Variants in PCYT1A observed in about 807,000 individuals in gnomAD.
PCYT1A encodes choline-phosphate cytidylyltransferase A.
Under a neutral mutation model 43.7 loss-of-function variants are expected in PCYT1A, and 25 were observed. That is an observed-to-expected ratio of 0.57 (90% confidence interval 0.42 to 0.80). The LOEUF is 0.80. Among genes scored for constraint, PCYT1A ranks in the 30% least tolerant of loss-of-function variants. The pLI, the probability that PCYT1A is intolerant of heterozygous loss-of-function variation, is 0.00. For missense variants in PCYT1A, 421 were observed against 474.2 expected, an observed-to-expected ratio of 0.89 and a Z score of 1.04; for synonymous variants, 172 against 170.7, an observed-to-expected ratio of 1.01 and a Z score of -0.06.
chr3:196,259,887 C>T (rs910426557), intron 2 of PCYT1A, among the ~76,000 whole-genome samples: 3 of 117,174 alleles, frequency 2.6e-5, no homozygotes, highest in Non-Finnish European at 5.3e-5. Context: ...TTAAGATATA[C>T]TTAATGATAT....
chr3:196,258,883 A>G (rs1382860732), intron 2 of PCYT1A, among the ~76,000 whole-genome samples: 2 of 152,162 alleles, frequency 1.3e-5, no homozygotes, highest in Non-Finnish European at 2.9e-5. Flanking sequence ...CACCGTGCCC[A>G]GCCTCTGGCC....
chr3:196,235,024 C>G lies in PCYT1A; in HGVS notation c.*3664G>C, dbSNP rs1724123071. On this transcript the variant is annotated 3_prime_UTR_variant, in exon 9 of 9. Coordinates refer to ENST00000431016, the MANE Select transcript of PCYT1A (RefSeq NM_001312673.2). The surrounding 1 kb of genome is among the most constrained non-coding windows in gnomAD (Gnocchi z 4.3). The stretch of plus-strand genomic sequence containing the variant: ...GTTCAACTTCTGGTGAGAATGTGTG[C>G]TGATAGAAAATCTAGAAGCTATGGC... The G allele has an allele frequency of 6.6e-6, 1 of 152,052 alleles. No homozygotes were observed. Among genetic ancestry groups the G allele is most frequent in the Admixed American group, 6.5e-5 (1 of 15,274 alleles). The allele number at this position is 152,052 out of a possible 1,614,324, so 9.4% of individuals were successfully genotyped here. A position where few individuals can be genotyped will look rare whatever the true frequency, so the allele number is the denominator to read the frequency against.
chr3:196,270,983 G>T (rs1413598206), intron 1 of PCYT1A, among the ~76,000 whole-genome samples: 1 of 152,152 alleles, frequency 6.6e-6, no homozygotes, highest in African/African-American at 2.4e-5. Context: ...TTTGTAAACG[G>T]ATGGCTCTCA....
intron 1 of PCYT1A, among the ~76,000 whole-genome samples, chr3:196,274,894 T>C (rs1446371691): frequency 6.6e-6 from 1 of 152,194 alleles, no homozygotes; most frequent in Non-Finnish European, 1.5e-5. Context: ...CAAATTAAAA[T>C]GGAAGAAGGG....
At chr3:196,261,661 A>G (rs1725112908) in intron 2 of PCYT1A, among the ~76,000 whole-genome samples, 1 of 151,956 alleles carries the variant, frequency 6.6e-6, no homozygotes, top group Admixed American at 6.6e-5. Flanking sequence ...GGGGTGGTGC[A>G]TGCCTGCAAT....
rs1243797236 is a variant in PCYT1A at position 196,236,296 on chromosome 3, A to G, written c.*2392T>C. ...ATGTGCACTTGGAGGAACCAAGCAG[A>G]TGGGCTTCAGCACAGACTTCACTGC... On this transcript the variant is annotated 3_prime_UTR_variant, in exon 9 of 9. Coordinates refer to ENST00000431016, the MANE Select transcript of PCYT1A (RefSeq NM_001312673.2). 1 of 152,272 alleles carries G rather than the reference A, an allele frequency of 6.6e-6. No homozygotes were observed. The highest frequency in any genetic ancestry group is 2.4e-5 in the African/African-American group (1 of 41,456). 9.4% of individuals were successfully genotyped at this position (152,272 alleles called of 1,614,324 possible).
rs1157310113 is a variant in PCYT1A, at chr3:196,268,862, G to A, written c.117+1553C>T. ...GGCTTTGCAGATATGATTAAATAAA[G>A]GAAGATTATTCTGGTTTATCTGGGT... On this transcript the variant is annotated intron_variant, in intron 2 of 8. Coordinates refer to ENST00000431016, the MANE Select transcript of PCYT1A (RefSeq NM_001312673.2). This position sits in a 1 kb window ranked among gnomAD's most constrained non-coding sequence, Gnocchi z 4.4. 6.6e-6 allele frequency among the ~76,000 whole-genome samples: 1 copy of A among 152,140 alleles called. No homozygotes were observed. The highest frequency in any genetic ancestry group is 1.5e-5 in the Non-Finnish European group (1 of 68,012).
Position 196,250,575 on chromosome 3 carries a change from A to G in PCYT1A, c.218-2252T>C, listed in dbSNP as rs569688748. 187 of 166,532 alleles carry G rather than the reference A, an allele frequency of 1.1e-3. 1 individual carries two copies. In the Middle Eastern group the frequency reaches 0.023, roughly 20 times the overall value. The allele number at this position is 166,532 out of a possible 1,614,324, so 10.3% of individuals were successfully genotyped here. A position where few individuals can be genotyped will look rare whatever the true frequency, so the allele number is the denominator to read the frequency against. ...ACTATGCTGAGGTTGAGGACCAGATACACTATGCTGAGGCTGAGGATCAGA... is the reference window on the plus strand; with the variant it reads ...ACTATGCTGAGGTTGAGGACCAGATGCACTATGCTGAGGCTGAGGATCAGA... On this transcript the variant is annotated intron_variant, in intron 3 of 8. Coordinates refer to ENST00000431016, the MANE Select transcript of PCYT1A (RefSeq NM_001312673.2).
Position 196,273,076 on chromosome 3 carries a change from G to A in PCYT1A, c.-10-2535C>T, listed in dbSNP as rs902624671. 6.6e-6 allele frequency among the ~76,000 whole-genome samples: 1 copy of A among 152,200 alleles called. No homozygotes were observed. The highest frequency in any genetic ancestry group is 2.4e-5 in the African/African-American group (1 of 41,440). ...CACAGCCAGGCACGCCAGCTGCCAG[G>A]GGGTGAGCAGCTCGAGGCGCCAGCT... On this transcript the variant is annotated intron_variant, in intron 1 of 8. Transcript: ENST00000431016. The surrounding 1 kb of genome is among the most constrained non-coding windows in gnomAD (Gnocchi z 4.1).
intron 1 of PCYT1A, among the ~76,000 whole-genome samples, chr3:196,286,329 G>C (rs1725912968): frequency 6.6e-6 from 1 of 152,148 alleles, no homozygotes; most frequent in African/African-American, 2.4e-5. Context: ...GCCTCCTCCA[G>C]TTAGGCCAGG....
intron 5 of PCYT1A, among the ~76,000 whole-genome samples, chr3:196,246,007 T>A (rs1306020575): frequency 6.6e-6 from 1 of 151,908 alleles, no homozygotes; most frequent in East Asian, 1.9e-4. Flanking sequence ...TATATATTGT[T>A]AACAAAGAGA....
At chr3:196,258,744 G>A (rs1042180935) in intron 2 of PCYT1A, among the ~76,000 whole-genome samples, 5 of 151,016 alleles carry the variant, frequency 3.3e-5, no homozygotes, top group East Asian at 2.0e-4. Flanking sequence ...TACACTACCC[G>A]ACACCCAGCT....
chr3:196,287,066 C>G (rs1725934016), intron 1 of PCYT1A: 1 of 152,224 alleles, frequency 6.6e-6, no homozygotes, highest in Non-Finnish European at 1.5e-5. Flanking sequence ...GAAGTTTGTC[C>G]GTAAAAATTA....
At position 196,282,174 on chromosome 3, in the gene PCYT1A, G is replaced by A. The variant is rs759746931; in HGVS notation, c.-11+5441C>T. Reference sequence around the variant, plus strand: ...AACCCTTATTCAACAAACACTGAGCGGCACTTACTCTGTGCCAGACCCTGG... The same window carrying A: ...AACCCTTATTCAACAAACACTGAGCAGCACTTACTCTGTGCCAGACCCTGG... On this transcript the variant is annotated intron_variant, in intron 1 of 8. Transcript: ENST00000431016. This position sits in a 1 kb window ranked among gnomAD's most constrained non-coding sequence, Gnocchi z 4.3. Among the ~76,000 whole-genome samples, 10 of 152,108 alleles carry A rather than the reference G, an allele frequency of 6.6e-5. No individual in the cohort carries two copies. Among genetic ancestry groups the A allele is most frequent in the African/African-American group, 1.4e-4 (6 of 41,406 alleles).
chr3:196,253,643 T>C (rs1724868414), intron 3 of PCYT1A, among the ~76,000 whole-genome samples: 2 of 152,158 alleles, frequency 1.3e-5, no homozygotes, highest in African/African-American at 4.8e-5. Context: ...CACTGAACCT[T>C]TTCTCAGACC....
At position 196,237,504 on chromosome 3, in the gene PCYT1A, G is replaced by C. The variant is rs1184347531; in HGVS notation, c.*1184C>G. 1 of 152,278 alleles carries C rather than the reference G, an allele frequency of 6.6e-6. No homozygotes were observed. Among genetic ancestry groups the C allele is most frequent in the African/African-American group, 2.4e-5 (1 of 41,458 alleles). 9.4% of individuals were successfully genotyped at this position (152,278 alleles called of 1,614,324 possible). On this transcript the variant is annotated 3_prime_UTR_variant, in exon 9 of 9. Transcript: ENST00000431016. ...GCTTGCTGGAGGAGCAGCAGAGGGA[G>C]GTCCCTGCCAGCTGCAGCTCTCAGA... is the stretch of plus-strand genomic sequence containing the variant.
rs1049059761 is a variant in PCYT1A, at chr3:196,259,189, T to C, written c.118-1302A>G. 2.6e-5 allele frequency among the ~76,000 whole-genome samples: 4 copies of C among 152,318 alleles called. No homozygotes were observed. In the East Asian group the frequency reaches 7.7e-4, roughly 29 times the overall value. On this transcript the variant is annotated intron_variant, in intron 2 of 8. Coordinates refer to ENST00000431016, the MANE Select transcript of PCYT1A (RefSeq NM_001312673.2). The stretch of plus-strand genomic sequence containing the variant: ...TGCACCACCACACCCAGCTAATTTT[T>C]TAACTTTGGGCCTGGACCTGTCTTT...
At position 196,257,768 on chromosome 3, in the gene PCYT1A, T is replaced by A; in HGVS notation, c.217+20A>T. The A allele has an allele frequency of 7.2e-7, 1 of 1,393,546 alleles. No homozygotes were observed. The highest frequency in any genetic ancestry group is 1.0e-6 in the Non-Finnish European group (1 of 979,902). 86.3% of individuals were successfully genotyped at this position (1,393,546 alleles called of 1,614,324 possible). On this transcript the variant is annotated intron_variant, in intron 3 of 8. Transcript: ENST00000431016. ...CTAAAAACAATAGTCAAACAACAAATTAAGAAGGTATTTACTTACAAGGAG... is the reference window on the plus strand; with the variant it reads ...CTAAAAACAATAGTCAAACAACAAAATAAGAAGGTATTTACTTACAAGGAG...
intron 2 of PCYT1A, among the ~76,000 whole-genome samples, chr3:196,263,391 T>C (rs1725172826): frequency 6.6e-6 from 1 of 151,892 alleles, no homozygotes; most frequent in South Asian, 2.1e-4. Flanking sequence ...AATTTTTCCA[T>C]TTTTTTTGTA....
Sources: allele counts gnomAD v4.1 joint callset (sites outside exome capture counted in the v4.1 genomes callset), GRCh38; gene constraint gnomAD v4.1.1; non-coding constraint Gnocchi (gnomAD v3.1); transcripts MANE v1.5; gene names NCBI Gene and HGNC (gene_info 2026-07-23, HGNC 2026-07-21).